MCM9: variants seen among roughly 807,000 people sequenced by gnomAD.
MCM9 encodes minichromosome maintenance 9 homologous recombination repair factor, also known as DNA helicase MCM9.
A neutral mutation model predicts 72.8 loss-of-function variants in MCM9; 55 were observed. That is an observed-to-expected ratio of 0.76 (90% CI 0.61 to 0.95). MCM9 has a LOEUF of 0.95. Ranked by LOEUF, MCM9 falls within the 40% of genes least tolerant of loss-of-function variation. The probability of loss-of-function intolerance (pLI) is 0.00; values close to 1 mark genes in which losing one functional copy is unlikely to be tolerated. For missense variants in MCM9, 1,279 were observed against 1,377.0 expected, an observed-to-expected ratio of 0.93 and a Z score of 1.13; for synonymous variants, 480 against 503.4, an observed-to-expected ratio of 0.95 and a Z score of 0.62.
intron 8 of MCM9, among the ~76,000 whole-genome samples, chr6:118,887,526 G>C (rs1778674870): frequency 6.6e-6 from 1 of 152,092 alleles, no homozygotes. Flanking sequence ...AAAACTCTTA[G>C]AAGAAAACTC....
intron 8 of MCM9, among the ~76,000 whole-genome samples, chr6:118,875,046 G>A (rs1777849338): frequency 1.3e-5 from 2 of 152,182 alleles, no homozygotes; most frequent in African/African-American, 4.8e-5. Flanking sequence ...CCAGGAGGCA[G>A]AGGTTGCAGT....
At chr6:118,845,077 T>C (rs1029887411) in intron 9 of MCM9, among the ~76,000 whole-genome samples, 5 of 151,712 alleles carry the variant, frequency 3.3e-5, no homozygotes, top group Non-Finnish European at 5.9e-5. Flanking sequence ...TCTTTAAATA[T>C]GGATGACTGT....
intron 6 of MCM9, among the ~76,000 whole-genome samples, chr6:118,916,382 AAAG>A (rs1780951792): frequency 6.7e-6 from 1 of 149,804 alleles, no homozygotes; most frequent in Non-Finnish European, 1.5e-5. Context: ...AAAAAAGAAA[AAAG>A]AAAAAATCCC....
At chr6:118,928,552 G>A (rs1039677051) in intron 3 of MCM9, among the ~76,000 whole-genome samples, 2 of 151,886 alleles carry the variant, frequency 1.3e-5, no homozygotes, top group African/African-American at 2.4e-5. Flanking sequence ...TATCACACAG[G>A]GTAATAAGAA....
In MCM9 at chr6:118,826,246, G is replaced by A; in HGVS notation, c.1862C>T (p.Pro621Leu). ...CTGGTACTGCTCTCCAGGGTTTTCAGGAAAGGAAGTGTGGAGGGCATTCAC... is the reference window on the plus strand; with the variant it reads ...CTGGTACTGCTCTCCAGGGTTTTCAAGAAAGGAAGTGTGGAGGGCATTCAC... ...GGVNALHTSF[P>L]ENPGEQYQRQ... The change falls in exon 13 of 14, where the codon CCT becomes CTT. Residue 621 changes from proline (P) to leucine (L), a missense_variant. By Grantham distance (98) the Pro-to-Leu change is moderately conservative. Coordinates refer to ENST00000619706, the MANE Select transcript of MCM9 (RefSeq NM_017696.3). The A allele has an allele frequency of 2.6e-6, 4 of 1,550,454 alleles. No individual in the cohort carries two copies. Among genetic ancestry groups the A allele is most frequent in the Non-Finnish European group, 3.5e-6 (4 of 1,146,916 alleles).
At position 118,911,742 on chromosome 6, in the gene MCM9, T is replaced by C; in HGVS notation, c.1058A>G (p.Asp353Gly). Residue 353 changes from aspartate to glycine, a missense_variant, in exon 8 of 14, where the codon GAT (aspartate) becomes GGT (glycine). Asp to Gly is a moderately conservative substitution (Grantham distance 94). Transcript: ENST00000619706. ...RGESHLLLVG[D>G]PGTGKSQFLK... Reference sequence around the variant, plus strand: ...GAACTGAGATTTCCCTGTGCCAGGATCCCCAACCAATAAAAGATGAGATTC... The same window carrying C: ...GAACTGAGATTTCCCTGTGCCAGGACCCCCAACCAATAAAAGATGAGATTC... The C allele has an allele frequency of 6.2e-7, 1 of 1,613,296 alleles. No homozygotes were observed. The highest frequency in any genetic ancestry group is 2.2e-5 in the East Asian group (1 of 44,836).
intron 12 of MCM9, 82 bp from the exon 13 acceptor site, chr6:118,826,374 G>A (rs935740370): frequency 3.3e-5 from 47 of 1,427,402 alleles, no homozygotes; most frequent in East Asian, 5.0e-5. Flanking sequence ...AGCAATCCCC[G>A]GGGGCTAAGA....
chr6:118,907,878 A>G (rs193193876), intron 8 of MCM9: 5 of 297,752 alleles, frequency 1.7e-5, no homozygotes, highest in Admixed American at 9.3e-5. Flanking sequence ...CTTCTCCTTT[A>G]TATGTAATGA....
At chr6:118,917,470 G>T in intron 6 of MCM9, 91 bp downstream of exon 6, 1 of 1,217,094 alleles carries the variant, frequency 8.2e-7, no homozygotes, top group Non-Finnish European at 1.2e-6. Flanking sequence ...TGAGTTATGC[G>T]GCATATAAGA....
intron 13 of MCM9, among the ~76,000 whole-genome samples, chr6:118,820,211 G>A (rs1445608871): frequency 6.6e-6 from 1 of 152,092 alleles, no homozygotes; most frequent in Admixed American, 6.5e-5. Context: ...TAATTGTGAT[G>A]TTAGGGTGTC....
intron 9 of MCM9, among the ~76,000 whole-genome samples, chr6:118,833,276 G>A (rs1774719659): frequency 6.6e-6 from 1 of 152,112 alleles, no homozygotes; most frequent in Non-Finnish European, 1.5e-5. Flanking sequence ...GAAAAGCAAT[G>A]AAGACATCTC....
chr6:118,840,520 A>C (rs1775280573), intron 9 of MCM9, among the ~76,000 whole-genome samples: 1 of 152,172 alleles, frequency 6.6e-6, no homozygotes, highest in Non-Finnish European at 1.5e-5. Flanking sequence ...CAAAGGAATC[A>C]GGCCAGAGAA....
intron 8 of MCM9, chr6:118,907,591 G>A (rs1388726838): frequency 6.2e-7 from 1 of 1,613,568 alleles, no homozygotes; most frequent in South Asian, 1.1e-5. Context: ...TGTCATGTTA[G>A]AATCCCACAT....
intron 9 of MCM9, 26 bp downstream of exon 9, chr6:118,856,345 C>T: frequency 1.3e-6 from 2 of 1,521,504 alleles, no homozygotes; most frequent in Non-Finnish European, 8.8e-7. Context: ...TCTCATTATT[C>T]CCATAGATTT....
chr6:118,930,265 C>T (rs911743168), intron 3 of MCM9, among the ~76,000 whole-genome samples: 1 of 152,136 alleles, frequency 6.6e-6, no homozygotes, highest in Non-Finnish European at 1.5e-5. Context: ...CGCCCGCCAC[C>T]ATGCCCGGCT....
At chr6:118,845,514 CT>C (rs1246094370) in intron 9 of MCM9, among the ~76,000 whole-genome samples, 1 of 151,638 alleles carries the variant, frequency 6.6e-6, no homozygotes, top group East Asian at 1.9e-4. Context: ...GCGGGGAGCT[CT>C]TTTAAAAAAA....
chr6:118,917,678 G>C lies in MCM9; in HGVS notation c.787C>G (p.Leu263Val), dbSNP rs746726452. 2.6e-5 allele frequency: 42 copies of C among 1,613,980 alleles called. No individual in the cohort carries two copies. The highest frequency in any genetic ancestry group is 3.3e-5 in the Non-Finnish European group (39 of 1,180,014). The stretch of plus-strand genomic sequence containing the variant: ...TTTACTTGGATGTAATTTGCTTTCA[G>C]GACTATCTCCACTTCACAGCGCACA... ...QDVRCEVEIV[L>V]KANYIQVNNE... Residue 263 changes from leucine to valine, a missense_variant, in exon 6 of 14, where the codon CTG (leucine) becomes GTG (valine). Coordinates refer to ENST00000619706, the MANE Select transcript of MCM9 (RefSeq NM_017696.3).
intron 9 of MCM9, among the ~76,000 whole-genome samples, chr6:118,846,918 C>T (rs1397088506): frequency 1.3e-5 from 2 of 151,590 alleles, no homozygotes; most frequent in African/African-American, 2.4e-5. Context: ...AAAATACTTC[C>T]GTTGATAAAA....
At chr6:118,904,595 GCT>G (rs1780045168) in intron 8 of MCM9, among the ~76,000 whole-genome samples, 1 of 152,166 alleles carries the variant, frequency 6.6e-6, no homozygotes, top group Admixed American at 6.6e-5. Flanking sequence ...CTTCGCTCAT[GCT>G]CTTAGTCTAG....
Sources: gnomAD v4.1 joint callset for allele counts (sites outside exome capture counted in the v4.1 genomes callset) on GRCh38, gnomAD v4.1.1 for gene constraint, MANE v1.5 for transcripts, NCBI Gene and HGNC (gene_info 2026-07-23, HGNC 2026-07-21) for gene names.